Variants in P3H3 observed in about 807,000 individuals in gnomAD.
P3H3 encodes gene rich cluster, B.
A neutral mutation model predicts 78.1 loss-of-function variants in P3H3; 64 were observed. The observed-to-expected ratio is 0.82, with a 90% CI of 0.67 to 1.01. The LOEUF is 1.01. Ranked by LOEUF, P3H3 falls within the 50% of genes least tolerant of loss-of-function variation. The pLI is 0.00. For missense variants in P3H3, 975 were observed against 982.2 expected (o/e 0.99, Z 0.10); for synonymous variants, 425 against 416.7 (o/e 1.02, Z -0.24).
chr12:6,828,793 C>T lies in P3H3; in HGVS notation c.353C>T (p.Ala118Val). 8.1e-7 allele frequency: 1 copy of T among 1,236,234 alleles called. No homozygotes were observed. Among genetic ancestry groups the T allele is most frequent in the Non-Finnish European group, 1.0e-6 (1 of 989,818 alleles). 76.6% of individuals were successfully genotyped at this position (1,236,234 alleles called of 1,614,324 possible). Residue 118 changes from alanine (A) to valine (V), a missense_variant, in exon 1 of 15, where the codon GCG becomes GTG. Transcript: ENST00000290510. ...GSWERQLLRA[A>V]LRRADCLTQC... ...TGGGAGCGACAGCTTCTCCGTGCAG[C>T]GCTCCGCCGCGCAGACTGCCTGACC...
At chr12:6,836,561 G>T (rs139100010) in intron 9 of P3H3, among the ~76,000 whole-genome samples, 5 of 152,118 alleles carry the variant, frequency 3.3e-5, no homozygotes, top group Admixed American at 2.6e-4. Context: ...TCTCCCTACC[G>T]CCAGTCTGGC....
Position 6,830,514 on chromosome 12 carries a change from T to C in P3H3, c.813T>C (p.Asp271=), listed in dbSNP as rs1408352094. The stretch of plus-strand genomic sequence containing the variant: ...AGCAGGGGGCTGAAGAAGAGGAGGA[T>C]GGGGCTGCGAGCCAGGGGGGCCTCT... The part of the protein sequence containing the change: ...EEQQGAEEEE[D]GAASQGGLYE... Residue 271 remains aspartate, a synonymous_variant, in exon 3 of 15, where the codon GAT becomes GAC. Transcript: ENST00000290510. 4 of 1,578,284 alleles carry C rather than the reference T, an allele frequency of 2.5e-6. No individual in the cohort carries two copies. The highest frequency in any genetic ancestry group is 3.4e-6 in the Non-Finnish European group (4 of 1,162,728).
Position 6,839,173 on chromosome 12 carries a change from C to T in P3H3, c.2046+33C>T. 1.9e-6 allele frequency: 3 copies of T among 1,581,244 alleles called. 1 individual carries two copies. Among genetic ancestry groups the T allele is most frequent in the South Asian group, 2.3e-5 (2 of 87,758 alleles). ...GCGGGGTAGGAAGGGATGTGGTTCTCCTGGTGCGTGAAGGGTGGGCAAGGA... is the reference window on the plus strand; with the variant it reads ...GCGGGGTAGGAAGGGATGTGGTTCTTCTGGTGCGTGAAGGGTGGGCAAGGA... On this transcript the variant is annotated intron_variant, in intron 14 of 14. Transcript: ENST00000290510.
intron 10 of P3H3, 62 bp from the exon 11 acceptor site, chr12:6,837,361 A>T: frequency 1.9e-6 from 3 of 1,551,770 alleles, no homozygotes; most frequent in Non-Finnish European, 2.6e-6. Context: ...GGCAGGGGCT[A>T]GGGCCGAGAC....
chr12:6,831,328 G>A lies in P3H3; in HGVS notation c.1098G>A (p.Pro366=), dbSNP rs61916315. The change falls in exon 5 of 15, where the codon CCG becomes CCA. Residue 366 remains proline, a synonymous_variant. Coordinates refer to ENST00000290510, the MANE Select transcript of P3H3 (RefSeq NM_014262.5). The surrounding 1 kb of genome is among the most constrained non-coding windows in gnomAD (Gnocchi z 4.6). Reference sequence around the variant, plus strand: ...AGTACCAGGCCCAGCTGGGAGAGCCGAGACCTGGCCTCGGACCCAGAGAGG... The same window carrying A: ...AGTACCAGGCCCAGCTGGGAGAGCCAAGACCTGGCCTCGGACCCAGAGAGG... ...LNQYQAQLGE[P]RPGLGPREDI... The A allele has an allele frequency of 0.029, 46,443 of 1,613,804 alleles. 791 individuals carry two copies. The highest frequency in any genetic ancestry group is 0.033 in the Non-Finnish European group (38,419 of 1,179,814).
Position 6,836,973 on chromosome 12 carries a change from CT to C in P3H3, c.1459-10del, listed in dbSNP as rs1555122211. On this transcript the variant is annotated splice_polypyrimidine_tract_variant and intron_variant, in intron 9 of 14. Transcript: ENST00000290510. ...GGGGGAGTGACTCCACGGTAAACTCCTTCCTATTTAGGATGCAGCTGGGGCT... is the reference window on the plus strand; with the variant it reads ...GGGGGAGTGACTCCACGGTAAACTCCTCCTATTTAGGATGCAGCTGGGGCT... 1 of 1,606,040 alleles carries C rather than the reference CT, an allele frequency of 6.2e-7. No homozygotes were observed. The highest frequency in any genetic ancestry group is 2.2e-5 in the East Asian group (1 of 44,846).
rs782620611 is a variant in P3H3 at position 6,829,955 on chromosome 12, CG to C, written c.596del (p.Arg199GlnfsTer41). The C allele has an allele frequency of 3.7e-6, 6 of 1,614,018 alleles. No individual in the cohort carries two copies. Among genetic ancestry groups the C allele is most frequent in the Non-Finnish European group, 5.1e-6 (6 of 1,179,882 alleles). Reference protein sequence around the residue: ...QMREDMAKYRRMSGVRPQSFR... With the variant: ...QMREDMAKYRXMSGVRPQSFR... ...GCGGGAGGACATGGCTAAGTACAGA[CG>C]AATGTCGGGAGTTCGGCCCCAGAGC... On this transcript the variant is annotated frameshift_variant, in exon 2 of 15. Transcript: ENST00000290510. LOFTEE classifies it high-confidence loss of function. This position sits in a 1 kb window ranked among gnomAD's most constrained non-coding sequence, Gnocchi z 5.1.
At position 6,831,736 on chromosome 12, in the gene P3H3, G is replaced by T. The variant is rs981780308; in HGVS notation, c.1123-89G>T. 2 of 819,246 alleles carry T rather than the reference G, an allele frequency of 2.4e-6. No homozygotes were observed. The highest frequency in any genetic ancestry group is 4.1e-6 in the Non-Finnish European group (2 of 483,144). The allele number at this position is 819,246 out of a possible 1,614,324, so 50.7% of individuals were successfully genotyped here. A position where few individuals can be genotyped will look rare whatever the true frequency, so the allele number is the denominator to read the frequency against. On this transcript the variant is annotated intron_variant, in intron 5 of 14. Coordinates refer to ENST00000290510, the MANE Select transcript of P3H3 (RefSeq NM_014262.5). This position sits in a 1 kb window ranked among gnomAD's most constrained non-coding sequence, Gnocchi z 4.6. Reference sequence around the variant, plus strand: ...CCGGGGGGCATGGTGCCAGGTTCAAGGAGCATGGAGCACCCAGGCAGTGCC... The same window carrying T: ...CCGGGGGGCATGGTGCCAGGTTCAATGAGCATGGAGCACCCAGGCAGTGCC...
chr12:6,837,197 G>A (rs782388600), intron 10 of P3H3, 111 bp downstream of exon 10: 44 of 1,023,926 alleles, frequency 4.3e-5, no homozygotes, highest in African/African-American at 2.1e-4. Flanking sequence ...TCTTGGGACC[G>A]AGACTACCTG....
chr12:6,835,987 AGGCTGAGGCAGGC>A (rs1555122063), intron 9 of P3H3, among the ~76,000 whole-genome samples: 1 of 152,200 alleles, frequency 6.6e-6, no homozygotes, highest in Non-Finnish European at 1.5e-5. Context: ...GCACTTTGGG[AGGCTGAGGCAGGC>A]GAATGGCTTG....
In P3H3 at chr12:6,833,602, C is replaced by T. The variant is rs782135814; in HGVS notation, c.1223C>T (p.Thr408Ile). ...GTSFKDPDPWTPAALIPEALR... is the reference protein window; with the variant it reads ...GTSFKDPDPWIPAALIPEALR... ...TCTGGACTGTCGCAGGACCCCTGGA[C>T]CCCTGCAGCTCTCATCCCTGAGGCA... Residue 408 changes from threonine (T) to isoleucine (I), a missense_variant, in exon 7 of 15, where the codon ACC (threonine) becomes ATC (isoleucine). Coordinates refer to ENST00000290510, the MANE Select transcript of P3H3 (RefSeq NM_014262.5). 4 of 1,613,868 alleles carry T rather than the reference C, an allele frequency of 2.5e-6. No homozygotes were observed. Among genetic ancestry groups the T allele is most frequent in the South Asian group, 1.1e-5 (1 of 91,068 alleles).
At position 6,837,067 on chromosome 12, in the gene P3H3, C is replaced by T. The variant is rs372168236; in HGVS notation, c.1541C>T (p.Thr514Met). ...CCCCATGAACGCTTCGAGGGGCTCA[C>T]GGTGCTTAAGGCTGCGCAGGTGAGC... ...HTPHERFEGLTVLKAAQLARA... is the reference protein window; with the variant it reads ...HTPHERFEGLMVLKAAQLARA... The change falls in exon 10 of 15, where the codon ACG (threonine) becomes ATG (methionine). Residue 514 changes from threonine to methionine, a missense_variant. Thr to Met is a moderately conservative substitution (Grantham distance 81). Transcript: ENST00000290510. 4.2e-5 allele frequency: 67 copies of T among 1,604,948 alleles called. No homozygotes were observed. The highest frequency in any genetic ancestry group is 2.8e-4 in the African/African-American group (21 of 75,024).
rs1555121092 is a variant in P3H3, at chr12:6,830,215, G to A, written c.652-138G>A. ...TGATGTTCTAACATTATGATTCTGA[G>A]GCCCACCCTTATTCTTCTCCACGGT... On this transcript the variant is annotated intron_variant, in intron 2 of 14. Transcript: ENST00000290510. 5 of 1,032,302 alleles carry A rather than the reference G, an allele frequency of 4.8e-6. No individual in the cohort carries two copies. The East Asian group carries it at 1.3e-4, about 27-fold the overall frequency. The allele number at this position is 1,032,302 out of a possible 1,614,324, so 63.9% of individuals were successfully genotyped here.
chr12:6,839,533 G>A lies in P3H3; in HGVS notation c.*72G>A. On this transcript the variant is annotated 3_prime_UTR_variant, in exon 15 of 15. Transcript: ENST00000290510. The stretch of plus-strand genomic sequence containing the variant: ...GGCCATCTTGATGCCAGGACACACA[G>A]GAAGCCCCTGTGTGACATCAGGAGC... 6.7e-7 allele frequency: 1 copy of A among 1,493,588 alleles called. No homozygotes were observed. The highest frequency in any genetic ancestry group is 9.0e-7 in the Non-Finnish European group (1 of 1,115,034). 92.5% of individuals were successfully genotyped at this position (1,493,588 alleles called of 1,614,324 possible). A position where few individuals can be genotyped will look rare whatever the true frequency, so the allele number is the denominator to read the frequency against.
intron 8 of P3H3, 30 bp from the exon 9 acceptor site, chr12:6,833,879 CCTTAGGGGATGCTCAG>C: frequency 6.2e-7 from 1 of 1,613,870 alleles, no homozygotes; most frequent in Non-Finnish European, 8.5e-7. Context: ...CTCTGCCTGC[CCTTAGGGGATGCTCAG>C]CCCCCTCTGC....
At chr12:6,835,587 A>T (rs782143522) in intron 9 of P3H3, among the ~76,000 whole-genome samples, 1 of 152,190 alleles carries the variant, frequency 6.6e-6, no homozygotes, top group East Asian at 1.9e-4. Flanking sequence ...TCCGCCTCGA[A>T]AAATAAATTT....
chr12:6,836,989 C>T lies in P3H3; in HGVS notation c.1463C>T (p.Ala488Val), dbSNP rs1168868102. 2 of 1,610,244 alleles carry T rather than the reference C, an allele frequency of 1.2e-6. No homozygotes were observed. Among genetic ancestry groups the T allele is most frequent in the Non-Finnish European group, 8.5e-7 (1 of 1,178,828 alleles). ...GGTAAACTCCTTCCTATTTAGGATG[C>T]AGCTGGGGCTGGAGCCAGGTCTGGC... ...CGVLLQLAKDAAGAGARSGYR... is the reference protein window; with the variant it reads ...CGVLLQLAKDVAGAGARSGYR... Residue 488 changes from alanine (A) to valine (V), a missense_variant, in exon 10 of 15, where the codon GCA becomes GTA. Physicochemically the swap from Ala to Val is moderately conservative, Grantham distance 64. Coordinates refer to ENST00000290510, the MANE Select transcript of P3H3 (RefSeq NM_014262.5).
In P3H3 at chr12:6,839,317, A is replaced by T; in HGVS notation, c.2067A>T (p.Glu689Asp). Residue 689 changes from glutamate (E) to aspartate (D), a missense_variant, in exon 15 of 15, where the codon GAA becomes GAT. By Grantham distance (45) the Glu-to-Asp change is conservative. Coordinates refer to ENST00000290510, the MANE Select transcript of P3H3 (RefSeq NM_014262.5). ...CCCAGGAGTGGATAGAAGCCAAAGA[A>T]CTGCTGCAGGAGTCACAGGAGGAGG... Reference protein sequence around the residue: ...HREQEWIEAKELLQESQEEEE... With the variant: ...HREQEWIEAKDLLQESQEEEE... 6.4e-7 allele frequency: 1 copy of T among 1,553,376 alleles called. No homozygotes were observed. Among genetic ancestry groups the T allele is most frequent in the Non-Finnish European group, 8.7e-7 (1 of 1,147,970 alleles).
intron 6 of P3H3, chr12:6,833,387 T>G: frequency 3.4e-6 from 2 of 591,544 alleles, no homozygotes; most frequent in South Asian, 4.0e-5. Context: ...CCCTAGCAGA[T>G]AGTAAGTGCT....
Sources: gnomAD v4.1 joint callset for allele counts (sites outside exome capture counted in the v4.1 genomes callset) on GRCh38, gnomAD v4.1.1 for gene constraint, Gnocchi (gnomAD v3.1) non-coding constraint, MANE v1.5 for transcripts, NCBI Gene and HGNC (gene_info 2026-07-23, HGNC 2026-07-21) for gene names.